The following FHOD3 variants were observed in gnomAD, a reference collection of about 807,000 sequenced individuals.
The protein encoded by FHOD3 is formin homology 2 domain containing 3, also known as FH1/FH2 domain-containing protein 3.
Under a neutral mutation model 173.0 loss-of-function variants are expected in FHOD3, and 90 were observed. The ratio of observed to expected loss-of-function variants is 0.52; its 90% CI spans 0.44 to 0.62. The LOEUF (loss-of-function observed/expected upper bound fraction) is 0.62, where lower values mean the gene tolerates loss of function less well. Ranked by LOEUF, FHOD3 falls within the 20% of genes least tolerant of loss-of-function variation. The pLI, the probability that FHOD3 is intolerant of heterozygous loss-of-function variation, is 0.00. For missense variants in FHOD3, 1,945 were observed against 2,034.7 expected, an observed-to-expected ratio of 0.96 and a Z score of 0.85; for synonymous variants, 828 against 823.0, an observed-to-expected ratio of 1.01 and a Z score of -0.10.
At chr18:36,387,771 C>T (rs1433052567) in intron 3 of FHOD3, among the ~76,000 whole-genome samples, 2 of 152,124 alleles carry the variant, frequency 1.3e-5, no homozygotes, top group African/African-American at 4.8e-5. Context: ...GGGCTTGGCC[C>T]ACCCCTCTGG....
intron 1 of FHOD3, among the ~76,000 whole-genome samples, chr18:36,333,079 C>G (rs868562859): frequency 6.6e-6 from 1 of 152,232 alleles, no homozygotes; most frequent in Non-Finnish European, 1.5e-5. Context: ...CTGCCCTTAG[C>G]CAATGGCAGC....
chr18:36,767,929 C>T (rs2043210347), intron 27 of FHOD3, among the ~76,000 whole-genome samples: 1 of 151,990 alleles, frequency 6.6e-6, no homozygotes, highest in Admixed American at 6.6e-5. Flanking sequence ...TCATTACCAG[C>T]CAGGTGGTTG....
chr18:36,517,160 A>G (rs1426082702), intron 5 of FHOD3, among the ~76,000 whole-genome samples: 1 of 152,154 alleles, frequency 6.6e-6, no homozygotes, highest in East Asian at 1.9e-4. Flanking sequence ...TATCTGACTT[A>G]TTATTCCTGG....
chr18:36,414,444 T>A (rs987070882), intron 3 of FHOD3, among the ~76,000 whole-genome samples: 2 of 152,154 alleles, frequency 1.3e-5, no homozygotes, highest in Non-Finnish European at 2.9e-5. Flanking sequence ...TTCCATCCAT[T>A]ATTACATTTA....
At chr18:36,390,080 C>A (rs1361603933) in intron 3 of FHOD3, among the ~76,000 whole-genome samples, 1 of 152,186 alleles carries the variant, frequency 6.6e-6, no homozygotes, top group East Asian at 1.9e-4. Flanking sequence ...TCTGTGGACC[C>A]AGGAAGCCCC....
intron 20 of FHOD3, 81 bp downstream of exon 20, chr18:36,730,885 G>T: frequency 7.1e-7 from 1 of 1,416,990 alleles, no homozygotes; most frequent in Non-Finnish European, 9.7e-7. Flanking sequence ...CATTTCAAAA[G>T]ATCCATGGTG....
intron 6 of FHOD3, among the ~76,000 whole-genome samples, chr18:36,591,651 C>G (rs879708574): frequency 6.6e-5 from 10 of 152,200 alleles, no homozygotes; most frequent in Non-Finnish European, 5.9e-5. Flanking sequence ...AGTGTAGTGG[C>G]TCATGCCTGA....
At chr18:36,753,293 G>T (rs1421263101) in intron 24 of FHOD3, among the ~76,000 whole-genome samples, 2 of 152,138 alleles carry the variant, frequency 1.3e-5, no homozygotes, top group African/African-American at 4.8e-5. Flanking sequence ...ATGGTGTCTG[G>T]GGCTCTGAGG....
At chr18:36,428,486 G>A (rs780577194) in intron 3 of FHOD3, among the ~76,000 whole-genome samples, 7 of 152,296 alleles carry the variant, frequency 4.6e-5, no homozygotes, top group South Asian at 4.1e-4. Flanking sequence ...GAGGTTTACT[G>A]CAAGGATGCA....
chr18:36,373,928 C>T (rs2047313504), intron 3 of FHOD3, among the ~76,000 whole-genome samples: 1 of 152,186 alleles, frequency 6.6e-6, no homozygotes, highest in Non-Finnish European at 1.5e-5. Flanking sequence ...GGATAAACTT[C>T]CCCCTTACCC....
Position 36,744,210 on chromosome 18 carries a change from T to G in FHOD3, c.4041+17T>G, listed in dbSNP as rs1432068295. On this transcript the variant is annotated intron_variant, in intron 23 of 28. Coordinates refer to ENST00000590592, the MANE Select transcript of FHOD3 (RefSeq NM_001281740.3). ...TCAGCCAAGGTATGTCTGTGGACGC[T>G]GAGGAGTGGGCCTGGTCTCGCTGCA... The G allele has an allele frequency of 3.1e-6, 5 of 1,604,266 alleles. No homozygotes were observed.
Position 36,716,963 on chromosome 18 carries a change from T to C in FHOD3, c.2534-869T>C, listed in dbSNP as rs570849497. ...GTGTGTGTGTGTGTGTATGTGTTAA[T>C]GTGCCAGAAGGAAGACTCTAGTGGG... On this transcript the variant is annotated intron_variant, in intron 18 of 28. Coordinates refer to ENST00000590592, the MANE Select transcript of FHOD3 (RefSeq NM_001281740.3). 4.8e-4 allele frequency among the ~76,000 whole-genome samples: 73 copies of C among 151,294 alleles called. 1 individual carries two copies. The highest frequency in any genetic ancestry group is 1.8e-3 in the Admixed American group (27 of 15,164).
chr18:36,509,611 G>A (rs1287671003), intron 4 of FHOD3, among the ~76,000 whole-genome samples: 1 of 152,208 alleles, frequency 6.6e-6, no homozygotes, highest in East Asian at 1.9e-4. Flanking sequence ...TGATGTATGG[G>A]ACTCGCTTCA....
chr18:36,720,771 C>G (rs1001221228), intron 19 of FHOD3, among the ~76,000 whole-genome samples: 1 of 37,854 alleles, frequency 2.6e-5, no homozygotes, highest in Non-Finnish European at 5.4e-5. Context: ...TCCTTCTCCT[C>G]CTCCTCCTCT....
chr18:36,504,749 A>G (rs1018918405), intron 4 of FHOD3, among the ~76,000 whole-genome samples: 36 of 146,026 alleles, frequency 2.5e-4, no homozygotes, highest in Admixed American at 1.2e-3. Flanking sequence ...AATAATAATA[A>G]AAGTAAATAA....
At chr18:36,701,486 C>T (rs1003458402) in intron 17 of FHOD3, among the ~76,000 whole-genome samples, 7 of 152,034 alleles carry the variant, frequency 4.6e-5, no homozygotes, top group Admixed American at 1.3e-4. Context: ...TAATCAGAAG[C>T]GTAATCTGAG....
At chr18:36,669,535 T>C (rs1238193931) in intron 14 of FHOD3, among the ~76,000 whole-genome samples, 2 of 152,096 alleles carry the variant, frequency 1.3e-5, no homozygotes, top group East Asian at 1.9e-4. Flanking sequence ...CTCTCTTTTG[T>C]TGCCTTATTA....
chr18:36,400,455 G>A (rs542386389), intron 3 of FHOD3, among the ~76,000 whole-genome samples: 2 of 152,168 alleles, frequency 1.3e-5, no homozygotes, highest in Non-Finnish European at 2.9e-5. Context: ...TCCACTCAAA[G>A]TGTGGTCCCC....
intron 3 of FHOD3, among the ~76,000 whole-genome samples, chr18:36,398,004 A>G (rs1372166347): frequency 6.6e-6 from 1 of 152,208 alleles, no homozygotes; most frequent in Admixed American, 6.5e-5. Context: ...GAGTCATGGA[A>G]CTGAATGGTT....
Sources: allele counts gnomAD v4.1 joint callset (sites outside exome capture counted in the v4.1 genomes callset), GRCh38; gene constraint gnomAD v4.1.1; transcripts MANE v1.5; gene names NCBI Gene and HGNC (gene_info 2026-07-23, HGNC 2026-07-21).